The following PRELID2 variants were observed in gnomAD, a reference collection of about 807,000 sequenced individuals.
PRELID2 encodes PRELI domain-containing protein 2.
Under a neutral mutation model 28.4 loss-of-function variants are expected in PRELID2, and 25 were observed. That is an observed-to-expected ratio of 0.88 (90% CI 0.64 to 1.23). The LOEUF is 1.23. Among genes scored for constraint, PRELID2 ranks in the 50% most tolerant of loss-of-function variants. PRELID2 has a pLI of 0.00. For missense variants in PRELID2, 201 were observed against 214.4 expected, an observed-to-expected ratio of 0.94 and a Z score of 0.39; for synonymous variants, 76 against 71.6, an observed-to-expected ratio of 1.06 and a Z score of -0.31.
chr5:145,303,228 A>G, the PRELID2 span, among the ~76,000 whole-genome samples: 121,254 of 152,076 alleles, frequency 0.8, 48,962 homozygotes, highest in East Asian at 0.93. Flanking sequence ...TGGTTTAGAG[A>G]TAGCGCTGGA....
chr5:145,600,934 T>C (rs1334577193), intron 1 of PRELID2, among the ~76,000 whole-genome samples: 1 of 152,172 alleles, frequency 6.6e-6, no homozygotes, highest in Non-Finnish European at 1.5e-5. Context: ...GGAGAATCAC[T>C]TGAGCCCAGG....
At chr5:145,773,611 C>T (rs1758237318) in intron 5 of PRELID2, among the ~76,000 whole-genome samples, 1 of 152,204 alleles carries the variant, frequency 6.6e-6, no homozygotes, top group Non-Finnish European at 1.5e-5. Context: ...CGAGACAGTG[C>T]TTCCTCACAT....
chr5:145,440,656 C>T, the PRELID2 span, among the ~76,000 whole-genome samples: 1 of 151,916 alleles, frequency 6.6e-6, no homozygotes, highest in Admixed American at 6.6e-5. Flanking sequence ...TAAATTAATT[C>T]CTCAGAATAA....
At chr5:145,821,507 G>A (rs1056914690) in intron 2 of PRELID2, among the ~76,000 whole-genome samples, 1 of 152,184 alleles carries the variant, frequency 6.6e-6, no homozygotes, top group African/African-American at 2.4e-5. Flanking sequence ...GAAAAAGAAA[G>A]GCAGAGGCAG....
chr5:145,525,985 G>C (rs1400949525), intron 1 of PRELID2, among the ~76,000 whole-genome samples: 2 of 152,088 alleles, frequency 1.3e-5, no homozygotes, highest in African/African-American at 4.8e-5. Context: ...ACTGTGCAAG[G>C]GGCTGGGAGT....
chr5:145,702,346 C>A (rs1755428986), intron 1 of PRELID2, among the ~76,000 whole-genome samples: 1 of 152,096 alleles, frequency 6.6e-6, no homozygotes, highest in South Asian at 2.1e-4. Context: ...TAGAATCATG[C>A]ACAGAGAAAT....
chr5:145,656,755 G>A (rs1754403321), intron 1 of PRELID2, among the ~76,000 whole-genome samples: 1 of 127,990 alleles, frequency 7.8e-6, no homozygotes, highest in South Asian at 3.1e-4. Context: ...CCTGTCATGG[G>A]GTGGGGGGAG....
chr5:145,651,690 G>T (rs188000923), intron 1 of PRELID2, among the ~76,000 whole-genome samples: 2 of 152,346 alleles, frequency 1.3e-5, no homozygotes, highest in East Asian at 3.9e-4. Flanking sequence ...CTGCAGCTGA[G>T]GGTCCTGACT....
At chr5:145,456,479 G>T in the PRELID2 span, among the ~76,000 whole-genome samples, 1 of 152,074 alleles carries the variant, frequency 6.6e-6, no homozygotes. Context: ...TCTCCATCAT[G>T]TCCTTAGAGA....
At chr5:145,291,218 C>T in the PRELID2 span, among the ~76,000 whole-genome samples, 1 of 150,800 alleles carries the variant, frequency 6.6e-6, no homozygotes, top group Non-Finnish European at 1.5e-5. Context: ...GTGACTGTAA[C>T]TCCAGCTACT....
intron 1 of PRELID2, among the ~76,000 whole-genome samples, chr5:145,737,788 A>G (rs4521541): frequency 0.82 from 124,437 of 152,094 alleles, 51,325 homozygotes; most frequent in East Asian, 0.88. Context: ...CAGGGAGGGC[A>G]GGGGGCCAAT....
At chr5:145,443,204 T>C in the PRELID2 span, among the ~76,000 whole-genome samples, 2 of 152,108 alleles carry the variant, frequency 1.3e-5, no homozygotes, top group African/African-American at 4.8e-5. Flanking sequence ...TACACAATCC[T>C]GCATGCAATT....
At chr5:145,557,753 T>C (rs914873514) in intron 1 of PRELID2, among the ~76,000 whole-genome samples, 1 of 152,196 alleles carries the variant, frequency 6.6e-6, no homozygotes, top group Non-Finnish European at 1.5e-5. Context: ...TGTACCAGTT[T>C]TACAAACGAG....
At chr5:145,373,927 A>ATTATAACATAATATATATGATATTATATG in the PRELID2 span, among the ~76,000 whole-genome samples, 5 of 140,006 alleles carry the variant, frequency 3.6e-5, no homozygotes, top group Admixed American at 1.5e-4. Flanking sequence ...GATATTATAT[A>ATTATAACATAATATATATGATATTATATG]TTATAACATA....
chr5:145,508,583 A>T (rs1206629439), intron 1 of PRELID2, among the ~76,000 whole-genome samples: 3 of 152,092 alleles, frequency 2.0e-5, no homozygotes, highest in Non-Finnish European at 4.4e-5. Flanking sequence ...TAAAATTAAA[A>T]AGAAAGAAAA....
At chr5:145,387,494 T>C in the PRELID2 span, among the ~76,000 whole-genome samples, 1 of 152,196 alleles carries the variant, frequency 6.6e-6, no homozygotes, top group African/African-American at 2.4e-5. Context: ...TTAGAACTTG[T>C]TCACATTCTG....
chr5:145,711,379 T>C (rs1581085623), intron 1 of PRELID2, among the ~76,000 whole-genome samples: 1 of 152,154 alleles, frequency 6.6e-6, no homozygotes, highest in East Asian at 1.9e-4. Flanking sequence ...GGAGAGAACA[T>C]ACCCATGGCT....
chr5:145,411,922 T>G, the PRELID2 span, among the ~76,000 whole-genome samples: 1 of 152,196 alleles, frequency 6.6e-6, no homozygotes, highest in Non-Finnish European at 1.5e-5. Flanking sequence ...CTTTGCACCC[T>G]CTGAAGCAAT....
chr5:145,538,743 G>A (rs1752722062), intron 1 of PRELID2, among the ~76,000 whole-genome samples: 1 of 151,886 alleles, frequency 6.6e-6, no homozygotes, highest in Non-Finnish European at 1.5e-5. Context: ...TGGATAGATT[G>A]TACTGTGCTC....
Sources: gnomAD v4.1 joint callset for allele counts (sites outside exome capture counted in the v4.1 genomes callset) on GRCh38, gnomAD v4.1.1 for gene constraint, MANE v1.5 for transcripts, NCBI Gene and HGNC (gene_info 2026-07-23, HGNC 2026-07-21) for gene names.